Variants in SPTB observed in about 807,000 individuals in gnomAD.
SPTB encodes the protein spectrin beta chain, erythrocytic.
SPTB carries 45 observed loss-of-function variants against 256.2 expected under a neutral mutation model. That is an observed-to-expected ratio of 0.18 (90% confidence interval 0.14 to 0.23). The LOEUF (loss-of-function observed/expected upper bound fraction) is 0.23. SPTB is among the 10% of genes least tolerant of loss of function. SPTB has a pLI of 1.00. For synonymous variants in SPTB, 1,231 were observed against 1,243.1 expected (o/e 0.99, Z 0.21); for missense variants, 2,715 against 3,040.4 (o/e 0.89, Z 2.52).
At chr14:64,798,955 GTTTGTGTGTGCA>G in intron 9 of SPTB, among the ~76,000 whole-genome samples, 1 of 152,356 alleles carries the variant, frequency 6.6e-6, no homozygotes, top group South Asian at 2.1e-4. Flanking sequence ...ATGTGTGCAT[GTTTGTGTGTGCA>G]TGTGCACATG....
In SPTB at chr14:64,852,880, G is replaced by A. The variant is rs573794832; in HGVS notation, c.-52+26912C>T. ...GCTTTCTGCTCTCGTGGTACTTTCA[G>A]TCCAGCAAGGAAGACAAATAGCCAG... On this transcript the variant is annotated intron_variant, in intron 1 of 35. Coordinates refer to ENST00000644917, the MANE Select transcript of SPTB (RefSeq NM_001355436.2). This position sits in a 1 kb window ranked among gnomAD's most constrained non-coding sequence, Gnocchi z 4.2. Among the ~76,000 whole-genome samples the A allele has an allele frequency of 5.9e-5, 9 of 152,272 alleles. No individual in the cohort carries two copies. The highest frequency in any genetic ancestry group is 2.0e-4 in the Admixed American group (3 of 15,300).
intron 2 of SPTB, among the ~76,000 whole-genome samples, chr14:64,815,884 C>G (rs1374799315): frequency 1.3e-5 from 2 of 152,112 alleles, no homozygotes. Context: ...TAAAGAGGCC[C>G]CAAGGAGCAG....
At chr14:64,876,731 T>A (rs536975552) in intron 1 of SPTB, among the ~76,000 whole-genome samples, 1 of 152,354 alleles carries the variant, frequency 6.6e-6, no homozygotes, top group African/African-American at 2.4e-5. Flanking sequence ...TCTCTCCTGC[T>A]TATCCTCAGT....
chr14:64,871,114 A>G (rs550637559), intron 1 of SPTB, among the ~76,000 whole-genome samples: 1 of 152,386 alleles, frequency 6.6e-6, no homozygotes, highest in East Asian at 1.9e-4. Context: ...TAATACACAT[A>G]TACAAAGAAA....
At position 64,772,734 on chromosome 14, in the gene SPTB, T is replaced by C. The variant is rs769986867; in HGVS notation, c.5399A>G (p.His1800Arg). Residue 1800 changes from histidine (H) to arginine (R), a missense_variant, in exon 26 of 36, where the codon CAC becomes CGC. Around this residue, in one of 4 missense-constraint regions of SPTB, gnomAD observed 2,239 missense variants for 2,384.4 expected, o/e 0.94. Coordinates refer to ENST00000644917, the MANE Select transcript of SPTB (RefSeq NM_001355436.2). This position sits in a 1 kb window ranked among gnomAD's most constrained non-coding sequence, Gnocchi z 5.4. ...MQLLAASYDL[H>R]RYFYTGAEIL... ...CTCGGCACCCGTGTAGAAGTAGCGG[T>C]GCAGGTCATAGGAGGCGGCCAGCAG... The C allele has an allele frequency of 5.6e-6, 9 of 1,613,722 alleles. No homozygotes were observed. The highest frequency in any genetic ancestry group is 2.2e-5 in the South Asian group (2 of 91,078).
At chr14:64,850,434 G>A (rs865938994) in intron 1 of SPTB, among the ~76,000 whole-genome samples, 8 of 152,182 alleles carry the variant, frequency 5.3e-5, no homozygotes, top group African/African-American at 9.6e-5. Flanking sequence ...AAAAGCCCAC[G>A]TTTTCTGATA....
In SPTB at chr14:64,795,196, C is replaced by A. The variant is rs1030737260; in HGVS notation, c.1644+141G>T. ...GCAGAGAGGCAGGTGCAGCTAGACA[C>A]TTTGCTGCCTCAGTTTCTCTATTTT... On this transcript the variant is annotated intron_variant, in intron 12 of 35. Transcript: ENST00000644917. The surrounding 1 kb of genome is among the most constrained non-coding windows in gnomAD (Gnocchi z 6.5). 6 of 1,001,746 alleles carry A rather than the reference C, an allele frequency of 6.0e-6. No individual in the cohort carries two copies. Among genetic ancestry groups the A allele is most frequent in the Non-Finnish European group, 8.7e-6 (6 of 688,688 alleles). The allele number at this position is 1,001,746 out of a possible 1,614,324, so 62.1% of individuals were successfully genotyped here.
At chr14:64,830,350 T>C (rs995369250) in intron 1 of SPTB, among the ~76,000 whole-genome samples, 1 of 127,748 alleles carries the variant, frequency 7.8e-6, no homozygotes, top group Admixed American at 7.4e-5. Context: ...ATTATTATTA[T>C]TATTATTATT....
Position 64,873,517 on chromosome 14 carries a change from A to G in SPTB, c.-52+6275T>C, listed in dbSNP as rs1258114129. Reference sequence around the variant, plus strand: ...GGGCAGATGAACCCTTCATTTATCTATGGCATGCTACTGAGAATCCATTAA... The same window carrying G: ...GGGCAGATGAACCCTTCATTTATCTGTGGCATGCTACTGAGAATCCATTAA... On this transcript the variant is annotated intron_variant, in intron 1 of 35. Coordinates refer to ENST00000644917, the MANE Select transcript of SPTB (RefSeq NM_001355436.2). The surrounding 1 kb of genome is among the most constrained non-coding windows in gnomAD (Gnocchi z 4.3). 1.3e-5 allele frequency among the ~76,000 whole-genome samples: 2 copies of G among 152,224 alleles called. No homozygotes were observed. The highest frequency in any genetic ancestry group is 1.3e-4 in the Admixed American group (2 of 15,288).
chr14:64,801,844 A>G lies in SPTB; in HGVS notation c.567-10T>C. 1 of 1,613,368 alleles carries G rather than the reference A, an allele frequency of 6.2e-7. No individual in the cohort carries two copies. ...ATTAACATGAGGGTAGCTGCATCCA[A>G]GAGAAACAGTAAGAGCTAAGAATTA... On this transcript the variant is annotated splice_polypyrimidine_tract_variant and intron_variant, in intron 5 of 35. Coordinates refer to ENST00000644917, the MANE Select transcript of SPTB (RefSeq NM_001355436.2).
chr14:64,817,063 C>T (rs1277715843), intron 2 of SPTB, among the ~76,000 whole-genome samples: 3 of 152,190 alleles, frequency 2.0e-5, no homozygotes, highest in Admixed American at 2.0e-4. Context: ...ATAGCAGTCA[C>T]CCATAGAAGG....
chr14:64,754,162 T>C (rs945864440), intron 32 of SPTB: 2 of 382,838 alleles, frequency 5.2e-6, no homozygotes, highest in Non-Finnish European at 9.9e-6. Context: ...GGCAAAGCTC[T>C]GGCCCCTCCC....
At chr14:64,788,120 C>T (rs1354204928) in intron 15 of SPTB, among the ~76,000 whole-genome samples, 1 of 152,198 alleles carries the variant, frequency 6.6e-6, no homozygotes, top group Non-Finnish European at 1.5e-5. Context: ...CAGCACCTAA[C>T]AGGCAGAGAG....
intron 2 of SPTB, among the ~76,000 whole-genome samples, chr14:64,810,859 T>C (rs543513893): frequency 1.1e-3 from 165 of 152,356 alleles, no homozygotes; most frequent in African/African-American, 3.6e-3. Context: ...CTCACACCTA[T>C]AATCCCAGAG....
At position 64,775,787 on chromosome 14, in the gene SPTB, C is replaced by T. The variant is rs986093262; in HGVS notation, c.4564-384G>A. ...TGTGTTGGAAGGAAAAGAAAAATGGCCTTTTTGATACCTTATTCTAACAGC... is the reference window on the plus strand; with the variant it reads ...TGTGTTGGAAGGAAAAGAAAAATGGTCTTTTTGATACCTTATTCTAACAGC... On this transcript the variant is annotated intron_variant, in intron 22 of 35. Coordinates refer to ENST00000644917, the MANE Select transcript of SPTB (RefSeq NM_001355436.2). The surrounding 1 kb of genome is among the most constrained non-coding windows in gnomAD (Gnocchi z 5.0). Among the ~76,000 whole-genome samples the T allele has an allele frequency of 1.4e-4, 22 of 152,180 alleles. No individual in the cohort carries two copies. Among genetic ancestry groups the T allele is most frequent in the African/African-American group, 5.3e-4 (22 of 41,448 alleles).
intron 2 of SPTB, among the ~76,000 whole-genome samples, chr14:64,805,472 C>T (rs143596169): frequency 1.1e-3 from 174 of 152,310 alleles, no homozygotes; most frequent in Middle Eastern, 6.8e-3. Context: ...TGCTGTCTCT[C>T]AACCCCTCCA....
intron 33 of SPTB, among the ~76,000 whole-genome samples, chr14:64,751,555 A>C (rs986237011): frequency 9.2e-5 from 14 of 152,346 alleles, no homozygotes; most frequent in African/African-American, 3.4e-4. Flanking sequence ...ATTCTTACAC[A>C]TAAATCTGTG....
chr14:64,782,587 G>A (rs750297777), intron 19 of SPTB, 34 bp from the exon 20 acceptor site: 1 of 1,611,488 alleles, frequency 6.2e-7, no homozygotes, highest in East Asian at 2.2e-5. Context: ...TCACATTCTG[G>A]GCTGACTGGG....
In SPTB at chr14:64,824,970, G is replaced by C. The variant is rs1373351899; in HGVS notation, c.-51-1825C>G. On this transcript the variant is annotated intron_variant, in intron 1 of 35. Transcript: ENST00000644917. The surrounding 1 kb of genome is among the most constrained non-coding windows in gnomAD (Gnocchi z 5.7). ...CCTGCTGCAGGAGGAGGCCTCCCCAGGGTCATCCGGTGGAATGACTGCGGC... is the reference window on the plus strand; with the variant it reads ...CCTGCTGCAGGAGGAGGCCTCCCCACGGTCATCCGGTGGAATGACTGCGGC... Among the ~76,000 whole-genome samples, 2 of 152,118 alleles carry C rather than the reference G, an allele frequency of 1.3e-5. No homozygotes were observed. The highest frequency in any genetic ancestry group is 6.5e-5 in the Admixed American group (1 of 15,270).
Sources: allele counts gnomAD v4.1 joint callset (sites outside exome capture counted in the v4.1 genomes callset), GRCh38; gene constraint gnomAD v4.1.1; regional missense constraint gnomAD v4.1.1; non-coding constraint Gnocchi (gnomAD v3.1); transcripts MANE v1.5; gene names NCBI Gene and HGNC (gene_info 2026-07-23, HGNC 2026-07-21).